Variants in SPOCK1 observed in about 807,000 individuals in gnomAD.
The protein encoded by SPOCK1 is testican-1.
Under a neutral mutation model 55.3 loss-of-function variants are expected in SPOCK1, and 23 were observed. The observed-to-expected ratio is 0.42, with a 90% CI of 0.30 to 0.59. The LOEUF (loss-of-function observed/expected upper bound fraction) is 0.59, where lower values mean the gene tolerates loss of function less well. Among genes scored for constraint, SPOCK1 ranks in the 20% least tolerant of loss-of-function variants. The probability of loss-of-function intolerance (pLI) is 0.22; values close to 1 mark genes in which losing one functional copy is unlikely to be tolerated. For synonymous variants in SPOCK1, 226 were observed against 221.0 expected (o/e 1.02, Z -0.20); for missense variants, 499 against 552.5 (o/e 0.90, Z 0.97).
chr5:137,415,661 CT>C (rs1752312793), intron 2 of SPOCK1, among the ~76,000 whole-genome samples: 1 of 152,200 alleles, frequency 6.6e-6, no homozygotes, highest in South Asian at 2.1e-4. Flanking sequence ...AAATCTCTAC[CT>C]GGTCAACTGC....
chr5:137,228,196 T>C (rs1368152399), intron 3 of SPOCK1, among the ~76,000 whole-genome samples: 1 of 152,232 alleles, frequency 6.6e-6, no homozygotes, highest in African/African-American at 2.4e-5. Flanking sequence ...CCAACATGAA[T>C]GACCAAGGAG....
intron 2 of SPOCK1, among the ~76,000 whole-genome samples, chr5:137,356,826 TATATATATATATAGAGAGAGAG>T (rs1239640691): frequency 1.6e-4 from 3 of 19,338 alleles, no homozygotes; most frequent in African/African-American, 5.0e-4. Flanking sequence ...TATATATATA[TATATATATATATAGAGAGAGAG>T]AGAGAGAGAG....
chr5:137,299,194 T>C (rs1260884867), intron 2 of SPOCK1, among the ~76,000 whole-genome samples: 1 of 152,128 alleles, frequency 6.6e-6, no homozygotes, highest in African/African-American at 2.4e-5. Flanking sequence ...TAAAACAGTC[T>C]AGGCAGAGTT....
chr5:137,119,439 T>C (rs902808847), intron 4 of SPOCK1, among the ~76,000 whole-genome samples: 1 of 152,226 alleles, frequency 6.6e-6, no homozygotes, highest in Non-Finnish European at 1.5e-5. Flanking sequence ...TGAGTCATTA[T>C]ACTAAGTCAT....
intron 3 of SPOCK1, among the ~76,000 whole-genome samples, chr5:137,184,881 G>A (rs562572286): frequency 6.6e-5 from 10 of 152,142 alleles, no homozygotes; most frequent in Admixed American, 3.3e-4. Flanking sequence ...CCCCTCAAAT[G>A]TTCTCAAGCT....
intron 2 of SPOCK1, among the ~76,000 whole-genome samples, chr5:137,372,631 G>A (rs1266348829): frequency 6.6e-6 from 1 of 152,120 alleles, no homozygotes; most frequent in Non-Finnish European, 1.5e-5. Flanking sequence ...TCCAAGAAAG[G>A]GTAAAGAGAG....
chr5:137,061,448 T>C (rs1174545800), intron 6 of SPOCK1, among the ~76,000 whole-genome samples: 2 of 152,212 alleles, frequency 1.3e-5, no homozygotes, highest in Non-Finnish European at 2.9e-5. Context: ...AAAATCACTG[T>C]AGACTATTTT....
chr5:137,365,916 C>T (rs965113502), intron 2 of SPOCK1, among the ~76,000 whole-genome samples: 2 of 152,102 alleles, frequency 1.3e-5, no homozygotes, highest in African/African-American at 2.4e-5. Context: ...TCTGTAGTAC[C>T]GCTTACACAC....
chr5:137,222,932 C>A (rs1325598500), intron 3 of SPOCK1, among the ~76,000 whole-genome samples: 1 of 151,676 alleles, frequency 6.6e-6, no homozygotes, highest in African/African-American at 2.4e-5. Flanking sequence ...ATATTGGTGG[C>A]TTTAAATTTC....
At chr5:137,158,828 G>A (rs1389081006) in intron 3 of SPOCK1, among the ~76,000 whole-genome samples, 1 of 152,172 alleles carries the variant, frequency 6.6e-6, no homozygotes, top group South Asian at 2.1e-4. Flanking sequence ...ACTTCACAGG[G>A]ATGAGGTGAA....
intron 3 of SPOCK1, among the ~76,000 whole-genome samples, chr5:137,146,430 C>A (rs1200870216): frequency 2.6e-5 from 4 of 152,226 alleles, no homozygotes; most frequent in Admixed American, 6.5e-5. Flanking sequence ...GTTAAAGATG[C>A]CTTGTTGTCT....
rs150932398 is a variant in SPOCK1, at chr5:137,333,403, A to G, written c.187-66348T>C. Among the ~76,000 whole-genome samples the G allele has an allele frequency of 1.0e-3, 157 of 152,296 alleles. 4 individuals carry two copies. The East Asian group carries it at 0.027, about 27-fold the overall frequency. On this transcript the variant is annotated intron_variant, in intron 2 of 10. Coordinates refer to ENST00000394945, the MANE Select transcript of SPOCK1 (RefSeq NM_004598.4). ...GAGTTGAGGAGGAGGGAGCCAAGTC[A>G]GGAGGCCACAAGACCTCCAGCAGAC...
At chr5:137,050,696 A>T (rs951841127) in intron 6 of SPOCK1, among the ~76,000 whole-genome samples, 2 of 152,246 alleles carry the variant, frequency 1.3e-5, no homozygotes, top group African/African-American at 4.8e-5. Flanking sequence ...AGAGAGGAAG[A>T]TAAAAATGCC....
At chr5:137,495,781 C>A (rs1159097230) in intron 2 of SPOCK1, among the ~76,000 whole-genome samples, 1 of 152,150 alleles carries the variant, frequency 6.6e-6, no homozygotes, top group Non-Finnish European at 1.5e-5. Flanking sequence ...GTGATTATTC[C>A]AGGGACTTGC....
intron 4 of SPOCK1, among the ~76,000 whole-genome samples, chr5:137,116,370 G>C (rs556589798): frequency 2.6e-4 from 40 of 152,256 alleles, no homozygotes; most frequent in African/African-American, 9.2e-4. Context: ...TCAGCTGGGT[G>C]CTGTGGCTCA....
chr5:137,302,809 C>T (rs1280914927), intron 2 of SPOCK1, among the ~76,000 whole-genome samples: 1 of 152,072 alleles, frequency 6.6e-6, no homozygotes, highest in African/African-American at 2.4e-5. Context: ...CAAAATAGTA[C>T]ATCTTTTGCT....
At chr5:137,335,168 C>T (rs755333566) in intron 2 of SPOCK1, among the ~76,000 whole-genome samples, 6 of 152,134 alleles carry the variant, frequency 3.9e-5, no homozygotes, top group Non-Finnish European at 4.4e-5. Flanking sequence ...CAACTGTATA[C>T]TTAAAATGGG....
At chr5:137,124,951 C>T (rs1461722501) in intron 4 of SPOCK1, among the ~76,000 whole-genome samples, 2 of 152,186 alleles carry the variant, frequency 1.3e-5, no homozygotes, top group Non-Finnish European at 1.5e-5. Context: ...CAGATTGACA[C>T]ATTACCTCCA....
intron 6 of SPOCK1, among the ~76,000 whole-genome samples, chr5:137,016,486 C>T (rs1343351260): frequency 6.6e-6 from 1 of 152,156 alleles, no homozygotes; most frequent in African/African-American, 2.4e-5. Context: ...AATAAGAAGA[C>T]CTAGAAAATA....
Sources: allele counts gnomAD v4.1 joint callset (sites outside exome capture counted in the v4.1 genomes callset), GRCh38; gene constraint gnomAD v4.1.1; transcripts MANE v1.5; gene names NCBI Gene and HGNC (gene_info 2026-07-23, HGNC 2026-07-21).